Variants in SLC16A6 observed in about 807,000 individuals in gnomAD.
SLC16A6 encodes the protein solute carrier family 16 member 6, also known as monocarboxylate transporter 7.
SLC16A6 carries 15 observed loss-of-function variants against 33.8 expected under a neutral mutation model. The observed-to-expected ratio is 0.44, with a 90% CI of 0.30 to 0.68. The LOEUF is 0.68. Among genes scored for constraint, SLC16A6 ranks in the 30% least tolerant of loss-of-function variants. The pLI, the probability that SLC16A6 is intolerant of heterozygous loss-of-function variation, is 0.10. For missense variants in SLC16A6, 451 were observed against 661.5 expected (o/e 0.68, Z 3.49); for synonymous variants, 219 against 248.4 (o/e 0.88, Z 1.11).
rs879965781 is a variant in SLC16A6 at position 68,272,985 on chromosome 17, C to CT, written c.377-219dup. Among the ~76,000 whole-genome samples, 257 of 144,584 alleles carry CT rather than the reference C, an allele frequency of 1.8e-3. 1 individual carries two copies. Among genetic ancestry groups the CT allele is most frequent in the East Asian group, 0.011 (57 of 4,986 alleles). 94.9% of individuals were successfully genotyped at this position (144,584 alleles called of 152,430 possible). On this transcript the variant is annotated intron_variant, in intron 3 of 5. Coordinates refer to ENST00000580666, the MANE Select transcript of SLC16A6 (RefSeq NM_004694.5). ...GTTGTTTGGGATACTAAAAATATAACTTTTTTTTTTTTTATCTTTGCAACA... is the reference window on the plus strand; with the variant it reads ...GTTGTTTGGGATACTAAAAATATAACTTTTTTTTTTTTTTATCTTTGCAACA...
intron 1 of SLC16A6, among the ~76,000 whole-genome samples, chr17:68,286,050 C>T (rs531062359): frequency 2.0e-5 from 3 of 152,266 alleles, no homozygotes; most frequent in South Asian, 2.1e-4. Flanking sequence ...TGAGCCACCG[C>T]GCCTGGCATA....
intron 5 of SLC16A6, among the ~76,000 whole-genome samples, chr17:68,269,673 G>GTTTTTTTTTTTTTTT (rs782421181): frequency 1.8e-4 from 14 of 77,896 alleles, no homozygotes; most frequent in East Asian, 9.2e-4. Flanking sequence ...TTCACTTTAG[G>GTTTTTTTTTTTTTTT]TTTTTTTTTT....
At position 68,276,873 on chromosome 17, in the gene SLC16A6, G is replaced by A. The variant is rs2075540935; in HGVS notation, c.232+1216C>T. 2.6e-5 allele frequency among the ~76,000 whole-genome samples: 4 copies of A among 152,236 alleles called. No homozygotes were observed. In the South Asian group the frequency reaches 8.3e-4, roughly 32 times the overall value. On this transcript the variant is annotated intron_variant, in intron 2 of 5. Coordinates refer to ENST00000580666, the MANE Select transcript of SLC16A6 (RefSeq NM_004694.5). The stretch of plus-strand genomic sequence containing the variant: ...ATGTATATTCAATAGCCCTTTATAG[G>A]ACCAAGTGAAGATTAGTATGTTAAA...
intron 1 of SLC16A6, among the ~76,000 whole-genome samples, chr17:68,279,170 A>C (rs2075617374): frequency 2.0e-5 from 3 of 152,126 alleles, no homozygotes; most frequent in African/African-American, 7.2e-5. Flanking sequence ...TGAATTGACC[A>C]TAAGGAATGT....
At chr17:68,279,149 C>CA (rs2075617078) in intron 1 of SLC16A6, among the ~76,000 whole-genome samples, 2 of 151,758 alleles carry the variant, frequency 1.3e-5, no homozygotes, top group South Asian at 2.1e-4. Context: ...TCAACTTAGG[C>CA]AAAAAAAGAC....
chr17:68,281,351 G>A (rs1555752747), intron 1 of SLC16A6, among the ~76,000 whole-genome samples: 2 of 152,020 alleles, frequency 1.3e-5, no homozygotes, highest in African/African-American at 4.8e-5. Flanking sequence ...GGTGGATCAT[G>A]AGGTCAAGAG....
At chr17:68,278,483 T>C (rs969723472) in intron 1 of SLC16A6, among the ~76,000 whole-genome samples, 156 bp from the exon 2 acceptor site, 1 of 152,202 alleles carries the variant, frequency 6.6e-6, no homozygotes, top group African/African-American at 2.4e-5. Context: ...GGAGTCTTGC[T>C]CTGTCATCCA....
In SLC16A6 at chr17:68,269,025, C is replaced by T; in HGVS notation, c.*71G>A. The stretch of plus-strand genomic sequence containing the variant: ...AGTAGAGGGGTTAGCTCCTCTGCCT[C>T]CTTGTGTCCCCGTTGGGCCCACCCC... On this transcript the variant is annotated 3_prime_UTR_variant, in exon 6 of 6. Coordinates refer to ENST00000580666, the MANE Select transcript of SLC16A6 (RefSeq NM_004694.5). 6.3e-7 allele frequency: 1 copy of T among 1,592,218 alleles called. No individual in the cohort carries two copies.
intron 1 of SLC16A6, among the ~76,000 whole-genome samples, chr17:68,282,314 G>A (rs2075718966): frequency 6.6e-6 from 1 of 151,724 alleles, no homozygotes; most frequent in Non-Finnish European, 1.5e-5. Flanking sequence ...AGAACACTTG[G>A]ACACAGGAAG....
chr17:68,285,874 G>A (rs558611800), intron 1 of SLC16A6, among the ~76,000 whole-genome samples: 5 of 151,686 alleles, frequency 3.3e-5, no homozygotes, highest in East Asian at 3.9e-4. Context: ...AATTCTTTGC[G>A]TCAGCCTCCC....
At position 68,269,104 on chromosome 17, in the gene SLC16A6, G is replaced by A; in HGVS notation, c.1564C>T (p.Pro522Ser). The change falls in exon 6 of 6, where the codon CCG becomes TCG. Residue 522 changes from proline (P) to serine (S), a missense_variant. Pro to Ser is a moderately conservative substitution (Grantham distance 74). Coordinates refer to ENST00000580666, the MANE Select transcript of SLC16A6 (RefSeq NM_004694.5). Reference sequence around the variant, plus strand: ...TGTTGTAAGAAAGTGTGTCATACCGGCTCCATTTGCACGTGAACTCTGTGC... The same window carrying A: ...TGTTGTAAGAAAGTGTGTCATACCGACTCCATTTGCACGTGAACTCTGTGC... ...NEHRVHVQME[P>S]V is the part of the protein sequence containing the mutation. 6.6e-7 allele frequency: 1 copy of A among 1,522,304 alleles called. No homozygotes were observed. The highest frequency in any genetic ancestry group is 8.8e-7 in the Non-Finnish European group (1 of 1,140,610). 94.3% of individuals were successfully genotyped at this position (1,522,304 alleles called of 1,614,324 possible).
intron 1 of SLC16A6, among the ~76,000 whole-genome samples, chr17:68,284,386 T>G (rs1019791855): frequency 6.6e-6 from 1 of 152,102 alleles, no homozygotes; most frequent in Non-Finnish European, 1.5e-5. Context: ...AGAGCAAGAC[T>G]CTGTCTAAAA....
chr17:68,269,973 C>A (rs1555747949), intron 5 of SLC16A6, among the ~76,000 whole-genome samples: 1 of 151,904 alleles, frequency 6.6e-6, no homozygotes, highest in African/African-American at 2.4e-5. Flanking sequence ...GCGCCCGGCC[C>A]GTTTTAGGTA....
chr17:68,289,888 G>GT, intron 1 of SLC16A6, among the ~76,000 whole-genome samples: 1 of 152,256 alleles, frequency 6.6e-6, no homozygotes, highest in Middle Eastern at 3.4e-3. Flanking sequence ...TTTACACACT[G>GT]TAAGTTCCTA....
intron 1 of SLC16A6, among the ~76,000 whole-genome samples, chr17:68,289,792 CT>C (rs2075926687): frequency 6.6e-6 from 1 of 152,140 alleles, no homozygotes; most frequent in Non-Finnish European, 1.5e-5. Context: ...GAGGAAAGTC[CT>C]TTTTCGGAAA....
chr17:68,281,174 A>G (rs1489705054), intron 1 of SLC16A6, among the ~76,000 whole-genome samples: 4 of 152,102 alleles, frequency 2.6e-5, no homozygotes, highest in Non-Finnish European at 5.9e-5. Context: ...AGGGTAGACA[A>G]TATTTGCAAA....
chr17:68,281,374 C>T (rs1555752763), intron 1 of SLC16A6, among the ~76,000 whole-genome samples: 1 of 152,004 alleles, frequency 6.6e-6, no homozygotes, highest in African/African-American at 2.4e-5. Flanking sequence ...CGAGACCATC[C>T]TGGCCAACAT....
chr17:68,268,823 T>G lies in SLC16A6; in HGVS notation c.*273A>C. 2.1e-6 allele frequency: 1 copy of G among 469,452 alleles called. No homozygotes were observed. Among genetic ancestry groups the G allele is most frequent in the Non-Finnish European group, 3.7e-6 (1 of 268,988 alleles). The allele number at this position is 469,452 out of a possible 1,614,324, so 29.1% of individuals were successfully genotyped here. ...ACCAAAGAGTCTTTCTACATATCTC[T>G]TGTATTGCTACTGAATACAGCCAGA... On this transcript the variant is annotated 3_prime_UTR_variant, in exon 6 of 6. Coordinates refer to ENST00000580666, the MANE Select transcript of SLC16A6 (RefSeq NM_004694.5).
intron 3 of SLC16A6, 71 bp downstream of exon 3, chr17:68,273,856 T>A: frequency 1.9e-6 from 3 of 1,540,752 alleles, no homozygotes; most frequent in Non-Finnish European, 2.6e-6. Context: ...TGGCTTTAAT[T>A]TCCTCCTTCC....
Sources: allele counts gnomAD v4.1 joint callset (sites outside exome capture counted in the v4.1 genomes callset), GRCh38; gene constraint gnomAD v4.1.1; transcripts MANE v1.5; gene names NCBI Gene and HGNC (gene_info 2026-07-23, HGNC 2026-07-21).